DNAAF5: variants seen among roughly 807,000 people sequenced by gnomAD.
The protein encoded by DNAAF5 is dynein axonemal assembly factor 5.
A neutral mutation model predicts 75.8 loss-of-function variants in DNAAF5; 64 were observed. That is an observed-to-expected ratio of 0.84 (90% CI 0.69 to 1.04). DNAAF5 has a LOEUF of 1.04. DNAAF5 is among the 50% of genes least tolerant of loss of function. DNAAF5 has a pLI of 0.00. For missense variants in DNAAF5, 1,269 were observed against 1,178.5 expected (o/e 1.08, Z -1.12); for synonymous variants, 657 against 557.2 (o/e 1.18, Z -2.52).
At chr7:777,596 C>A (rs1322703354) in intron 11 of DNAAF5, among the ~76,000 whole-genome samples, 1 of 152,194 alleles carries the variant, frequency 6.6e-6, no homozygotes, top group African/African-American at 2.4e-5. Context: ...AGCGGCCACT[C>A]AGGCGTTCCT....
chr7:780,134 T>G lies in DNAAF5; in HGVS notation c.2421T>G (p.Asp807Glu), dbSNP rs753070334. The change falls in exon 12 of 13, where the codon GAT (aspartate) becomes GAG (glutamate). Residue 807 changes from aspartate to glutamate, a missense_variant. Transcript: ENST00000297440. ...HLDDPERAIQDAILEVLKEGS... is the reference protein window; with the variant it reads ...HLDDPERAIQEAILEVLKEGS... The stretch of plus-strand genomic sequence containing the variant: ...ACGATCCAGAGAGGGCCATCCAGGA[T>G]GCAATTTTAGGTGAGACTCCGACGG... 1 of 1,613,804 alleles carries G rather than the reference T, an allele frequency of 6.2e-7. No individual in the cohort carries two copies. Among genetic ancestry groups the G allele is most frequent in the African/African-American group, 1.3e-5 (1 of 75,024 alleles).
At chr7:753,670 T>C (rs1782380080) in intron 4 of DNAAF5, among the ~76,000 whole-genome samples, 1 of 150,590 alleles carries the variant, frequency 6.6e-6, no homozygotes, top group Non-Finnish European at 1.5e-5. Flanking sequence ...TTCGCAGGCT[T>C]GTCTCTCTGA....
chr7:763,091 A>G (rs935850895), intron 7 of DNAAF5, among the ~76,000 whole-genome samples: 1 of 151,914 alleles, frequency 6.6e-6, no homozygotes, highest in East Asian at 1.9e-4. Context: ...TGAATGTACT[A>G]TGGGGAACCT....
intron 8 of DNAAF5, 49 bp from the exon 9 acceptor site, chr7:770,422 C>A: frequency 6.4e-7 from 1 of 1,572,704 alleles, no homozygotes; most frequent in Admixed American, 1.8e-5. Flanking sequence ...ATGGGGCCTC[C>A]TCCCGTCTCC....
chr7:782,829 C>T (rs1055523917), intron 12 of DNAAF5, among the ~76,000 whole-genome samples: 2 of 152,004 alleles, frequency 1.3e-5, no homozygotes, highest in African/African-American at 2.4e-5. Context: ...TGGCCACCTC[C>T]CATCCGGCGG....
intron 11 of DNAAF5, among the ~76,000 whole-genome samples, chr7:779,232 G>A (rs1778857968): frequency 6.6e-6 from 1 of 152,204 alleles, no homozygotes; most frequent in Non-Finnish European, 1.5e-5. Context: ...TGGGCCTGGT[G>A]CCAGGCGCGG....
At chr7:732,602 G>A (rs752655398) in intron 2 of DNAAF5, 17 of 455,976 alleles carry the variant, frequency 3.7e-5, no homozygotes, top group South Asian at 1.5e-4. Context: ...TGTTTGTCAC[G>A]TTCCTGCCAA....
At chr7:735,128 C>T (rs561013312) in intron 2 of DNAAF5, among the ~76,000 whole-genome samples, 167 of 145,826 alleles carry the variant, frequency 1.1e-3, no homozygotes, top group African/African-American at 4.0e-3. Context: ...CTCACAGTGT[C>T]GCCACTCACG....
intron 8 of DNAAF5, among the ~76,000 whole-genome samples, chr7:769,398 C>G (rs1232979327): frequency 6.6e-6 from 1 of 152,118 alleles, no homozygotes; most frequent in Non-Finnish European, 1.5e-5. Context: ...TGGAGACTTA[C>G]AGGGAGGCGG....
At chr7:774,779 A>G (rs558294687) in intron 10 of DNAAF5, among the ~76,000 whole-genome samples, 1 of 152,350 alleles carries the variant, frequency 6.6e-6, no homozygotes, top group East Asian at 1.9e-4. Context: ...GTTTAGGGTT[A>G]GTGCCTCACC....
chr7:758,833 C>T (rs1782562504), intron 6 of DNAAF5, among the ~76,000 whole-genome samples: 1 of 152,158 alleles, frequency 6.6e-6, no homozygotes. Context: ...CAGGCATGCA[C>T]CACCACACCC....
chr7:762,828 G>T (rs1782706870), intron 7 of DNAAF5, among the ~76,000 whole-genome samples: 2 of 152,130 alleles, frequency 1.3e-5, no homozygotes, highest in Admixed American at 6.5e-5. Context: ...TGGCCAGGTT[G>T]GTCTCAAGCT....
rs62432206 is a variant in DNAAF5, at chr7:729,547, A to G, written c.596-116A>G. ...TGTTCATGCAGCAAGGACCTGGCGT[A>G]GGAGAGGAAGGGAGGTGAGGAACTC... On this transcript the variant is annotated intron_variant, in intron 1 of 12. Coordinates refer to ENST00000297440, the MANE Select transcript of DNAAF5 (RefSeq NM_017802.4). 756,508 of 904,438 alleles carry G rather than the reference A, an allele frequency of 0.84. 317,378 individuals are homozygous for G. Among genetic ancestry groups the G allele is most frequent in the Admixed American group, 0.9 (37,055 of 41,118 alleles). 56.0% of individuals were successfully genotyped at this position (904,438 alleles called of 1,614,324 possible). A position where few individuals can be genotyped will look rare whatever the true frequency, so the allele number is the denominator to read the frequency against.
chr7:733,961 A>G (rs762957699), intron 2 of DNAAF5, among the ~76,000 whole-genome samples: 16 of 152,134 alleles, frequency 1.1e-4, no homozygotes, highest in Non-Finnish European at 2.2e-4. Flanking sequence ...GTGATTTTGT[A>G]TCCTGCAACT....
At chr7:755,553 T>C (rs1782454014) in intron 5 of DNAAF5, among the ~76,000 whole-genome samples, 3 of 152,170 alleles carry the variant, frequency 2.0e-5, no homozygotes, top group African/African-American at 7.2e-5. Context: ...GGCCAGCAGC[T>C]TTTACTTCTA....
At chr7:752,580 C>T (rs112460665) in intron 4 of DNAAF5, among the ~76,000 whole-genome samples, 5 of 140,010 alleles carry the variant, frequency 3.6e-5, no homozygotes, top group South Asian at 4.8e-4. Context: ...ACGAAGCCTT[C>T]GTGACCGCGG....
chr7:769,159 C>A (rs775619649), intron 8 of DNAAF5: 2 of 773,742 alleles, frequency 2.6e-6, no homozygotes, highest in South Asian at 2.7e-5. Context: ...TGACTGGCGG[C>A]GCCAGGGAGA....
intron 7 of DNAAF5, 103 bp downstream of exon 7, chr7:761,999 G>GAGCCCCAGGCCTCAAACATGTCTA: frequency 2.6e-6 from 3 of 1,143,574 alleles, no homozygotes; most frequent in Non-Finnish European, 2.4e-6. Flanking sequence ...CTCTGTGCTT[G>GAGCCCCAGGCCTCAAACATGTCTA]ACCAGCAAAG....
intron 8 of DNAAF5, among the ~76,000 whole-genome samples, chr7:770,013 AC>A (rs1251906525): frequency 6.6e-6 from 1 of 152,130 alleles, no homozygotes; most frequent in East Asian, 1.9e-4. Flanking sequence ...GTGCAGTGGC[AC>A]GATCTCGGCT....
Sources: allele counts gnomAD v4.1 joint callset (sites outside exome capture counted in the v4.1 genomes callset), GRCh38; gene constraint gnomAD v4.1.1; transcripts MANE v1.5; gene names NCBI Gene and HGNC (gene_info 2026-07-23, HGNC 2026-07-21).